The following KDM6A variants were observed in gnomAD, a reference collection of about 807,000 sequenced individuals.
KDM6A encodes the protein lysine demethylase 6A.
In KDM6A, 11 loss-of-function variants were observed where a neutral mutation model predicts 117.6. The ratio of observed to expected loss-of-function variants is 0.09; its 90% CI spans 0.06 to 0.15. The LOEUF is 0.15. Among genes scored for constraint, KDM6A ranks in the 10% least tolerant of loss-of-function variants. KDM6A has a pLI of 1.00. For missense variants in KDM6A, 799 were observed against 1,077.3 expected (o/e 0.74, Z 3.62); for synonymous variants, 384 against 396.1 (o/e 0.97, Z 0.36).
At chrX:45,071,337 A>G (rs2044823574) in intron 18 of KDM6A, among the ~76,000 whole-genome samples, 2 of 112,286 alleles carry the variant, frequency 1.8e-5, no homozygotes, top group Non-Finnish European at 3.8e-5. Flanking sequence ...TACATTGACC[A>G]TTTAATATAG....
In KDM6A at chrX:44,904,064, A is replaced by G. The variant is rs138681377; in HGVS notation, c.225+30077A>G. 7.9e-3 allele frequency among the ~76,000 whole-genome samples: 881 copies of G among 112,120 alleles called. 6 individuals are homozygous for G. The highest frequency in any genetic ancestry group is 0.046 in the Middle Eastern group (10 of 217). On this transcript the variant is annotated intron_variant, in intron 2 of 29. Transcript: ENST00000611820. ...CGTTTTATTGTAATGTAGAAACTGA[A>G]AGCAGAAGGTTCCCCCTTTGCAGTA...
intron 10 of KDM6A, 101 bp from the exon 11 acceptor site, chrX:45,058,905 A>C: frequency 1.5e-6 from 1 of 679,604 alleles, no homozygotes. Context: ...GGGTTTTAAA[A>C]AAATTTGCTG....
At chrX:44,944,213 G>A (rs929354341) in intron 2 of KDM6A, among the ~76,000 whole-genome samples, 4 of 110,063 alleles carry the variant, frequency 3.6e-5, no homozygotes, top group Admixed American at 9.7e-5. Context: ...TTAGCCGGGC[G>A]TGGTGTTGGG....
intron 6 of KDM6A, among the ~76,000 whole-genome samples, chrX:45,021,582 C>T (rs950874758): frequency 7.2e-5 from 8 of 111,284 alleles, no homozygotes; most frequent in Non-Finnish European, 1.3e-4. Flanking sequence ...TAAGGAACTA[C>T]TGAAGGTTAA....
At chrX:44,894,051 A>ATTTTTTT (rs2033603580) in intron 2 of KDM6A, among the ~76,000 whole-genome samples, 1 of 111,746 alleles carries the variant, frequency 8.9e-6, no homozygotes, top group African/African-American at 3.3e-5. Flanking sequence ...TTTTGTTGAG[A>ATTTTTTT]ATTTTTGTGT....
chrX:45,112,282 C>G lies in KDM6A; in HGVS notation c.*871C>G, dbSNP rs2148318001. 7.2e-6 allele frequency: 1 copy of G among 138,640 alleles called. No individual in the cohort carries two copies. Among genetic ancestry groups the G allele is most frequent in the South Asian group, 3.5e-4 (1 of 2,877 alleles). 11.4% of individuals were successfully genotyped at this position (138,640 alleles called of 1,213,427 possible). A position where few individuals can be genotyped will look rare whatever the true frequency, so the allele number is the denominator to read the frequency against. On this transcript the variant is annotated 3_prime_UTR_variant, in exon 30 of 30. Coordinates refer to ENST00000611820, the MANE Select transcript of KDM6A (RefSeq NM_001291415.2). Reference sequence around the variant, plus strand: ...TCTATTGTTTGAGTTTTAAAAAAGACTTTATGTACAGTGCCCAGTTTTTGT... The same window carrying G: ...TCTATTGTTTGAGTTTTAAAAAAGAGTTTATGTACAGTGCCCAGTTTTTGT...
intron 8 of KDM6A, 109 bp downstream of exon 8, chrX:45,037,798 C>T (rs2042881486): frequency 1.7e-5 from 10 of 603,335 alleles, no homozygotes; most frequent in Admixed American, 2.8e-5. Flanking sequence ...GAGTTCTGGG[C>T]GTTACTTCTT....
chrX:44,972,251 A>T (rs2039385837), intron 3 of KDM6A, among the ~76,000 whole-genome samples: 1 of 110,976 alleles, frequency 9.0e-6, no homozygotes, highest in Non-Finnish European at 1.9e-5. Flanking sequence ...ATTAAAATTG[A>T]CACCTGTCTA....
chrX:45,034,712 A>T (rs1417693170), intron 6 of KDM6A, among the ~76,000 whole-genome samples: 1 of 112,230 alleles, frequency 8.9e-6, no homozygotes, highest in Non-Finnish European at 1.9e-5. Flanking sequence ...ATTCTTTTTC[A>T]AATTCTCCAT....
At chrX:45,099,461 A>ACCT (rs2046247180) in intron 27 of KDM6A, among the ~76,000 whole-genome samples, 5 of 110,610 alleles carry the variant, frequency 4.5e-5, no homozygotes, top group Admixed American at 9.6e-5. Context: ...AGAGTTCTAC[A>ACCT]TTCTGGATTT....
intron 8 of KDM6A, among the ~76,000 whole-genome samples, chrX:45,046,126 C>T (rs757088998): frequency 9.0e-6 from 1 of 111,256 alleles, no homozygotes; most frequent in South Asian, 3.8e-4. Context: ...AAGTGTTATT[C>T]ATTTCAGGAA....
At chrX:45,102,222 A>C (rs1222066841) in intron 27 of KDM6A, among the ~76,000 whole-genome samples, 2 of 112,038 alleles carry the variant, frequency 1.8e-5, no homozygotes, top group African/African-American at 3.2e-5. Flanking sequence ...TCTTATTAAA[A>C]TAGGTTTTCA....
At chrX:44,913,816 C>T (rs1230844585) in intron 2 of KDM6A, among the ~76,000 whole-genome samples, 4 of 111,288 alleles carry the variant, frequency 3.6e-5, no homozygotes, top group East Asian at 2.8e-4. Context: ...TCCAGCATGC[C>T]TGGGCAGAAC....
chrX:45,005,961 A>ACCCCCCCAC (rs1569516039), intron 4 of KDM6A, among the ~76,000 whole-genome samples: 3 of 14,130 alleles, frequency 2.1e-4, no homozygotes, highest in Non-Finnish European at 3.8e-4. Flanking sequence ...TCACCCCCCC[A>ACCCCCCCAC]CCCCCCCACC....
chrX:44,975,442 A>G (rs147991770), intron 4 of KDM6A, among the ~76,000 whole-genome samples: 2 of 110,699 alleles, frequency 1.8e-5, no homozygotes, highest in African/African-American at 6.6e-5. Context: ...AAGCCCTTCA[A>G]CAGTCAGCCT....
At chrX:44,954,176 A>G (rs753890573) in intron 2 of KDM6A, among the ~76,000 whole-genome samples, 9 of 110,789 alleles carry the variant, frequency 8.1e-5, no homozygotes, top group Non-Finnish European at 1.7e-4. Flanking sequence ...GGTAGTTTCA[A>G]TCCTTTTAAA....
At chrX:44,941,498 TA>T (rs1354706856) in intron 2 of KDM6A, among the ~76,000 whole-genome samples, 43 of 107,029 alleles carry the variant, frequency 4.0e-4, no homozygotes, top group Middle Eastern at 4.8e-3. Flanking sequence ...TTTTTTTTTT[TA>T]AAATAGAGTC....
intron 8 of KDM6A, among the ~76,000 whole-genome samples, chrX:45,042,051 A>T (rs1379729652): frequency 9.1e-5 from 10 of 110,010 alleles, no homozygotes; most frequent in Non-Finnish European, 1.7e-4. Context: ...GGAGCTGGAG[A>T]CCAGCCCGGT....
chrX:44,930,298 G>A (rs2036550940), intron 2 of KDM6A, among the ~76,000 whole-genome samples: 1 of 111,721 alleles, frequency 9.0e-6, no homozygotes, highest in Admixed American at 9.5e-5. Flanking sequence ...TTTTGATAAA[G>A]TCTAATTTAT....
Sources: allele counts gnomAD v4.1 joint callset (sites outside exome capture counted in the v4.1 genomes callset), GRCh38; gene constraint gnomAD v4.1.1; transcripts MANE v1.5; gene names NCBI Gene and HGNC (gene_info 2026-07-23, HGNC 2026-07-21).